CSMD1: variants seen among roughly 807,000 people sequenced by gnomAD.
CSMD1 encodes CUB and Sushi multiple domains 1.
CSMD1 carries 213 observed loss-of-function variants against 417.5 expected under a neutral mutation model. The observed-to-expected ratio is 0.51, with a 90% CI of 0.46 to 0.57. The LOEUF (loss-of-function observed/expected upper bound fraction) is 0.57, where lower values mean the gene tolerates loss of function less well. CSMD1 is among the 20% of genes least tolerant of loss of function. The pLI, the probability that CSMD1 is intolerant of heterozygous loss-of-function variation, is 0.00. For missense variants in CSMD1, 6,923 were observed against 4,529.7 expected, an observed-to-expected ratio of 1.53 and a Z score of -15.17; for synonymous variants, 2,862 against 1,736.8, an observed-to-expected ratio of 1.65 and a Z score of -16.11.
chr8:4,143,785 G>A (rs892578387), intron 3 of CSMD1, among the ~76,000 whole-genome samples: 1 of 151,178 alleles, frequency 6.6e-6, no homozygotes, highest in African/African-American at 2.5e-5. Context: ...AGGGTGGGAG[G>A]GGGCCCAAGC....
At chr8:3,308,838 C>T (rs1265922835) in intron 23 of CSMD1, among the ~76,000 whole-genome samples, 1 of 150,100 alleles carries the variant, frequency 6.7e-6, no homozygotes, top group Non-Finnish European at 1.5e-5. Flanking sequence ...ATTCTCCTGC[C>T]TCAGCCTCCC....
At chr8:3,179,067 C>T (rs1043953243) in intron 37 of CSMD1, among the ~76,000 whole-genome samples, 1 of 151,558 alleles carries the variant, frequency 6.6e-6, no homozygotes, top group East Asian at 2.0e-4. Flanking sequence ...CCTGCCTCAG[C>T]CTCCTGAGCA....
intron 5 of CSMD1, among the ~76,000 whole-genome samples, chr8:3,887,488 C>A (rs1002163376): frequency 5.9e-5 from 9 of 152,222 alleles, no homozygotes; most frequent in African/African-American, 2.2e-4. Flanking sequence ...GTTCTCACCT[C>A]TGGCTGAACA....
chr8:4,453,557 C>T (rs1319630568), intron 2 of CSMD1, among the ~76,000 whole-genome samples: 1 of 152,168 alleles, frequency 6.6e-6, no homozygotes, highest in Admixed American at 6.5e-5. Context: ...ATAACTTGGG[C>T]CACATGACTG....
intron 26 of CSMD1, among the ~76,000 whole-genome samples, chr8:3,237,423 C>G (rs1041011728): frequency 6.6e-6 from 1 of 151,344 alleles, no homozygotes; most frequent in African/African-American, 2.4e-5. Flanking sequence ...CACCATTGTA[C>G]TCCAGCATGG....
Position 3,568,000 on chromosome 8 carries a change from T to C in CSMD1, c.1344+6945A>G, listed in dbSNP as rs556625161. ...CCAGCATTTGTGGGAATTCATCTGA[T>C]GCCTTAGAAAAGTTGGTACTGACAG... On this transcript the variant is annotated intron_variant, in intron 10 of 69. Coordinates refer to ENST00000635120, the MANE Select transcript of CSMD1 (RefSeq NM_033225.6). 3.9e-5 allele frequency among the ~76,000 whole-genome samples: 6 copies of C among 152,338 alleles called. No individual in the cohort carries two copies. The South Asian group carries it at 8.3e-4, about 21-fold the overall frequency.
chr8:3,283,992 C>G lies in CSMD1; in HGVS notation c.4153+152G>C, dbSNP rs975298541. The stretch of plus-strand genomic sequence containing the variant: ...AACCCAGCAATGGGGGAAGAGAACT[C>G]TTCTCTGCAACATGCATTTTCCTAA... On this transcript the variant is annotated intron_variant, in intron 26 of 69. Coordinates refer to ENST00000635120, the MANE Select transcript of CSMD1 (RefSeq NM_033225.6). Among the ~76,000 whole-genome samples, 3 of 152,370 alleles carry G rather than the reference C, an allele frequency of 2.0e-5. No homozygotes were observed. In the East Asian group the frequency reaches 5.8e-4, roughly 29 times the overall value.
intron 8 of CSMD1, among the ~76,000 whole-genome samples, chr8:3,610,163 A>T (rs1003992628): frequency 6.6e-6 from 1 of 152,152 alleles, no homozygotes; most frequent in Admixed American, 6.5e-5. Flanking sequence ...AGGCATCCTT[A>T]CTTGGCTGTA....
Position 3,997,930 on chromosome 8 carries a change from A to G in CSMD1, c.791T>C (p.Ile264Thr), listed in dbSNP as rs1815343149. 1 of 1,612,312 alleles carries G rather than the reference A, an allele frequency of 6.2e-7. No individual in the cohort carries two copies. Residue 264 changes from isoleucine (I) to threonine (T), a missense_variant, in exon 5 of 70, where the codon ATC (isoleucine) becomes ACC (threonine). Transcript: ENST00000635120. Reference sequence around the variant, plus strand: ...TATGGATGGAGCTTCCGTGCCACTGATCTCTAAGAAATCATATCCTTCTTC... The same window carrying G: ...TATGGATGGAGCTTCCGTGCCACTGGTCTCTAAGAAATCATATCCTTCTTC... Reference protein sequence around the residue: ...QLEEGYDFLEISGTEAPSIWL... With the variant: ...QLEEGYDFLETSGTEAPSIWL...
intron 26 of CSMD1, among the ~76,000 whole-genome samples, chr8:3,282,094 C>T (rs2117223045): frequency 6.6e-6 from 1 of 152,156 alleles, no homozygotes; most frequent in East Asian, 1.9e-4. Flanking sequence ...CTCAATTAAA[C>T]CTCTTTTCTT....
intron 3 of CSMD1, among the ~76,000 whole-genome samples, chr8:4,285,561 G>C (rs903052713): frequency 2.0e-5 from 3 of 152,190 alleles, no homozygotes; most frequent in East Asian, 1.9e-4. Flanking sequence ...GATGAGGGCA[G>C]GTTTCGCTAA....
intron 1 of CSMD1, among the ~76,000 whole-genome samples, chr8:4,916,968 A>G (rs1315711440): frequency 1.3e-5 from 2 of 152,190 alleles, no homozygotes; most frequent in Non-Finnish European, 2.9e-5. Context: ...GCAGGTGTAC[A>G]GGGTTCAGTA....
At chr8:3,078,670 C>T (rs10081485) in intron 49 of CSMD1, among the ~76,000 whole-genome samples, 51,154 of 151,952 alleles carry the variant, frequency 0.34, 8,760 homozygotes, top group East Asian at 0.42. Flanking sequence ...ACTGAGACTG[C>T]ATATGATCCC....
intron 5 of CSMD1, among the ~76,000 whole-genome samples, chr8:3,965,326 T>A (rs1187038585): frequency 6.6e-6 from 1 of 152,198 alleles, no homozygotes; most frequent in Non-Finnish European, 1.5e-5. Context: ...ATGAAGATAA[T>A]GTTCTTTGAT....
At position 2,998,053 on chromosome 8, in the gene CSMD1, G is replaced by A. The variant is rs370969494; in HGVS notation, c.8335C>T (p.Arg2779Trp). The part of the protein sequence containing the change: ...LLQGVSRAQC[R>W]SNGQWSSPLP... ...GGGCTACTCCACTGGCCGTTGCTCC[G>A]ACACTGGGCTCGAGACACGCCCTGC... The change falls in exon 54 of 70, where the codon CGG becomes TGG. Residue 2779 changes from arginine to tryptophan, a missense_variant. By Grantham distance (101) the Arg-to-Trp change is moderately radical (BLOSUM62 -3). Transcript: ENST00000635120. 55 of 1,613,780 alleles carry A rather than the reference G, an allele frequency of 3.4e-5. No individual in the cohort carries two copies. The highest frequency in any genetic ancestry group is 4.2e-5 in the Non-Finnish European group (49 of 1,179,862).
chr8:3,508,938 C>G (rs1796948957), intron 10 of CSMD1, among the ~76,000 whole-genome samples: 2 of 152,150 alleles, frequency 1.3e-5, no homozygotes, highest in Admixed American at 6.5e-5. Context: ...AGTCTGAGAA[C>G]TTAAAGTCCT....
At chr8:3,967,531 G>T in intron 5 of CSMD1, among the ~76,000 whole-genome samples, 1 of 152,084 alleles carries the variant, frequency 6.6e-6, no homozygotes, top group East Asian at 1.9e-4. Flanking sequence ...AAAGAGAACT[G>T]AAATAAATGA....
At chr8:4,986,718 T>C (rs79523811) in intron 1 of CSMD1, among the ~76,000 whole-genome samples, 2,607 of 152,164 alleles carry the variant, frequency 0.017, 54 homozygotes, top group South Asian at 0.072. Flanking sequence ...GTTGTAAAAC[T>C]ATTAAAAAAA....
intron 2 of CSMD1, among the ~76,000 whole-genome samples, chr8:4,598,668 T>C (rs1434749240): frequency 2.6e-5 from 4 of 152,200 alleles, no homozygotes; most frequent in African/African-American, 9.6e-5. Context: ...CCTAATTTCC[T>C]CTGAAATATT....
Sources: gnomAD v4.1 joint callset for allele counts (sites outside exome capture counted in the v4.1 genomes callset) on GRCh38, gnomAD v4.1.1 for gene constraint, MANE v1.5 for transcripts, NCBI Gene and HGNC (gene_info 2026-07-23, HGNC 2026-07-21) for gene names.